The following RIMS1 variants were observed in gnomAD, a reference collection of about 807,000 sequenced individuals.
The protein encoded by RIMS1 is regulating synaptic membrane exocytosis 1, also known as regulating synaptic membrane exocytosis protein 1.
In RIMS1, 83 loss-of-function variants were observed where a neutral mutation model predicts 214.1. The observed-to-expected ratio is 0.39, with a 90% CI of 0.32 to 0.47. The LOEUF is 0.47. Ranked by LOEUF, RIMS1 falls within the 20% of genes least tolerant of loss-of-function variation. The pLI is 0.99. For missense variants in RIMS1, 2,050 were observed against 2,161.8 expected, an observed-to-expected ratio of 0.95 and a Z score of 1.03; for synonymous variants, 793 against 786.8, an observed-to-expected ratio of 1.01 and a Z score of -0.13.
intron 3 of RIMS1, among the ~76,000 whole-genome samples, chr6:72,097,658 G>A (rs1049426375): frequency 1.8e-4 from 27 of 152,266 alleles, no homozygotes; most frequent in Middle Eastern, 3.5e-3. Flanking sequence ...ACAGTGGCAA[G>A]CTTATCTCAT....
At chr6:72,000,133 C>T (rs891544315) in intron 2 of RIMS1, among the ~76,000 whole-genome samples, 1 of 151,962 alleles carries the variant, frequency 6.6e-6, no homozygotes, top group African/African-American at 2.4e-5. Context: ...TTTACCCTAT[C>T]CTTCTTGGAT....
intron 2 of RIMS1, among the ~76,000 whole-genome samples, chr6:71,982,869 G>A (rs1254555783): frequency 6.6e-6 from 1 of 152,232 alleles, no homozygotes; most frequent in African/African-American, 2.4e-5. Flanking sequence ...AATAGTCCAT[G>A]TATAAATTAA....
intron 29 of RIMS1, among the ~76,000 whole-genome samples, chr6:72,340,265 C>T (rs1467019101): frequency 6.6e-6 from 1 of 151,922 alleles, no homozygotes; most frequent in South Asian, 2.1e-4. Context: ...GTTTCTTTTG[C>T]TGTGCAGAAG....
chr6:72,392,583 T>C, intron 30 of RIMS1, 115 bp from the exon 31 acceptor site: 1 of 776,388 alleles, frequency 1.3e-6, no homozygotes, highest in Admixed American at 2.1e-5. Context: ...AAAAAACAGA[T>C]TGTCTAAGTA....
chr6:72,058,413 C>T (rs994367826), intron 2 of RIMS1, among the ~76,000 whole-genome samples: 28 of 152,310 alleles, frequency 1.8e-4, no homozygotes, highest in African/African-American at 5.8e-4. Context: ...ATCTTGATTA[C>T]GTGGTTTGAT....
intron 2 of RIMS1, among the ~76,000 whole-genome samples, chr6:72,028,599 G>A (rs1585196351): frequency 6.6e-6 from 1 of 152,266 alleles, no homozygotes; most frequent in East Asian, 1.9e-4. Context: ...TCACATTGGT[G>A]ATGAGTCAAC....
intron 2 of RIMS1, among the ~76,000 whole-genome samples, chr6:72,076,406 G>A (rs370610231): frequency 6.6e-6 from 1 of 152,158 alleles, no homozygotes; most frequent in Admixed American, 6.5e-5. Flanking sequence ...ATGGTGGAGA[G>A]AGGGAGAGGG....
chr6:71,995,451 CGTGT>C (rs59174738), intron 2 of RIMS1, among the ~76,000 whole-genome samples: 2,386 of 144,484 alleles, frequency 0.017, 65 homozygotes, highest in African/African-American at 0.052. Flanking sequence ...TGTAATATGA[CGTGT>C]GTGTGTGTGT....
At chr6:71,986,534 G>A (rs551775502) in intron 2 of RIMS1, among the ~76,000 whole-genome samples, 1 of 152,284 alleles carries the variant, frequency 6.6e-6, no homozygotes, top group Non-Finnish European at 1.5e-5. Flanking sequence ...ATCTAGTGCA[G>A]AAACAACTAG....
chr6:72,312,370 G>A (rs1443886701), intron 27 of RIMS1, among the ~76,000 whole-genome samples: 2 of 151,716 alleles, frequency 1.3e-5, no homozygotes, highest in African/African-American at 4.8e-5. Context: ...TCACATTTTA[G>A]GTATCTTTCA....
At chr6:72,388,503 A>G (rs193226721) in intron 29 of RIMS1, among the ~76,000 whole-genome samples, 3 of 152,320 alleles carry the variant, frequency 2.0e-5, no homozygotes, top group African/African-American at 7.2e-5. Flanking sequence ...GAGCAGGGGA[A>G]TGATATATTC....
chr6:72,287,455 A>G (rs2092547728), intron 24 of RIMS1, among the ~76,000 whole-genome samples: 1 of 152,224 alleles, frequency 6.6e-6, no homozygotes, highest in Non-Finnish European at 1.5e-5. Context: ...GTTTTACTTA[A>G]GTGTAAATCA....
intron 33 of RIMS1, among the ~76,000 whole-genome samples, chr6:72,400,146 G>A (rs2098824453): frequency 6.6e-6 from 1 of 152,034 alleles, no homozygotes. Flanking sequence ...GATTTTTATG[G>A]TCCTGTACAT....
intron 2 of RIMS1, among the ~76,000 whole-genome samples, chr6:72,091,616 T>G (rs1836254262): frequency 6.6e-6 from 1 of 152,288 alleles, no homozygotes; most frequent in East Asian, 1.9e-4. Context: ...CCCAAACAAC[T>G]TTTTTACAAA....
chr6:71,973,140 C>T (rs1044581338), intron 2 of RIMS1, among the ~76,000 whole-genome samples: 1 of 152,188 alleles, frequency 6.6e-6, no homozygotes, highest in African/African-American at 2.4e-5. Context: ...GAACTCCTGA[C>T]TTCGTGATCC....
At chr6:72,321,036 A>G (rs1269077818) in intron 28 of RIMS1, among the ~76,000 whole-genome samples, 1 of 152,018 alleles carries the variant, frequency 6.6e-6, no homozygotes, top group Non-Finnish European at 1.5e-5. Flanking sequence ...CCAAGTGCGG[A>G]TTGATTGATA....
At chr6:72,253,792 G>A (rs1002522821) in intron 16 of RIMS1, among the ~76,000 whole-genome samples, 11 of 152,126 alleles carry the variant, frequency 7.2e-5, no homozygotes, top group African/African-American at 1.2e-4. Context: ...ATTAAAACTG[G>A]GAGAAAATTA....
chr6:72,283,341 C>T (rs1164538174), intron 23 of RIMS1, among the ~76,000 whole-genome samples: 1 of 151,826 alleles, frequency 6.6e-6, no homozygotes, highest in Non-Finnish European at 1.5e-5. Flanking sequence ...AAAATTATTT[C>T]TGTGGGAAAA....
intron 28 of RIMS1, chr6:72,316,973 T>A: frequency 1.7e-6 from 1 of 578,604 alleles, no homozygotes; most frequent in South Asian, 1.5e-5. Context: ...GTGGAGAGGG[T>A]CGAGGGCCCA....
Sources: allele counts gnomAD v4.1 joint callset (sites outside exome capture counted in the v4.1 genomes callset), GRCh38; gene constraint gnomAD v4.1.1; transcripts MANE v1.5; gene names NCBI Gene and HGNC (gene_info 2026-07-23, HGNC 2026-07-21).